NPIPB15: variants seen among roughly 807,000 people sequenced by gnomAD.
The protein encoded by NPIPB15 is nuclear pore complex interacting protein family member B15, also known as nuclear pore complex-interacting protein family member B15.
Under a neutral mutation model 35.9 loss-of-function variants are expected in NPIPB15, and 5 were observed. The ratio of observed to expected loss-of-function variants is 0.14; its 90% confidence interval spans 0.07 to 0.29. The LOEUF (loss-of-function observed/expected upper bound fraction) is 0.29, where lower values mean the gene tolerates loss of function less well. Ranked by LOEUF, NPIPB15 falls within the 10% of genes least tolerant of loss-of-function variation. The pLI is 1.00. For missense variants in NPIPB15, 100 were observed against 506.1 expected (o/e 0.20, Z 7.70); for synonymous variants, 43 against 182.0 (o/e 0.24, Z 6.15).
chr16:74,379,945 C>T (rs2011894488), intron 2 of NPIPB15, among the ~76,000 whole-genome samples: 1 of 140,886 alleles, frequency 7.1e-6, no homozygotes, highest in Non-Finnish European at 1.5e-5. Flanking sequence ...GAAGTAATCT[C>T]TTCATTGTAT....
intron 5 of NPIPB15, among the ~76,000 whole-genome samples, chr16:74,387,675 C>A (rs1289748091): frequency 1.2e-4 from 19 of 152,052 alleles, no homozygotes; most frequent in African/African-American, 4.6e-4. Context: ...GGGGACAGGA[C>A]CCTGCTCCCA....
intron 2 of NPIPB15, among the ~76,000 whole-genome samples, chr16:74,378,423 CTTTTTTTTTTT>C (rs1002146100): frequency 3.5e-5 from 3 of 86,124 alleles, no homozygotes; most frequent in Non-Finnish European, 6.2e-5. Context: ...GGTTTGATGC[CTTTTTTTTTTT>C]TTTTTTTTTT....
chr16:74,387,974 T>G (rs894395368), intron 5 of NPIPB15, among the ~76,000 whole-genome samples: 1 of 151,972 alleles, frequency 6.6e-6, no homozygotes, highest in African/African-American at 2.4e-5. Flanking sequence ...GAACTGAACC[T>G]TGTTAAAGTC....
intron 3 of NPIPB15, among the ~76,000 whole-genome samples, chr16:74,384,762 A>G (rs2012175295): frequency 7.4e-6 from 1 of 136,044 alleles, no homozygotes; most frequent in African/African-American, 2.8e-5. Context: ...GCTCACCACA[A>G]CCTTTTCCTG....
intron 3 of NPIPB15, among the ~76,000 whole-genome samples, chr16:74,383,779 G>A (rs1423501185): frequency 6.6e-6 from 1 of 151,862 alleles, no homozygotes; most frequent in African/African-American, 2.4e-5. Context: ...AGCCAGGCAT[G>A]GTAGCAGGCA....
At chr16:74,378,451 G>C (rs1220611650) in intron 2 of NPIPB15, among the ~76,000 whole-genome samples, 1 of 102,220 alleles carries the variant, frequency 9.8e-6, no homozygotes, top group African/African-American at 4.0e-5. Context: ...TTTTTTGACA[G>C]AGTCTCACTC....
rs2011707757 is a variant in NPIPB15 at position 74,377,265 on chromosome 16, C to T, written c.-104C>T. On this transcript the variant is annotated 5_prime_UTR_variant, in exon 1 of 8. Coordinates refer to ENST00000692376, the MANE Select transcript of NPIPB15 (RefSeq NM_001306094.2). ...TTTATGTTTTGTCGCCAAAAGTGAC[C>T]TTGAGGAACCCTGGGAGCTCAGGAA... Among the ~76,000 whole-genome samples the T allele has an allele frequency of 1.3e-5, 2 of 151,128 alleles. No homozygotes were observed. Among genetic ancestry groups the T allele is most frequent in the Non-Finnish European group, 2.9e-5 (2 of 67,932 alleles).
intron 3 of NPIPB15, among the ~76,000 whole-genome samples, chr16:74,384,585 T>C (rs1161957383): frequency 7.0e-6 from 1 of 142,994 alleles, no homozygotes; most frequent in Non-Finnish European, 1.5e-5. Context: ...CCCAGGATGG[T>C]CTCCATCTCT....
intron 5 of NPIPB15, among the ~76,000 whole-genome samples, chr16:74,389,340 A>G (rs1325664417): frequency 6.6e-6 from 1 of 151,030 alleles, no homozygotes; most frequent in East Asian, 2.0e-4. Flanking sequence ...TCAATATAGC[A>G]ACAGTTTGGA....
intron 3 of NPIPB15, among the ~76,000 whole-genome samples, chr16:74,385,029 G>GTGTT (rs1485371570): frequency 2.4e-5 from 3 of 125,842 alleles, no homozygotes; most frequent in Non-Finnish European, 4.9e-5. Context: ...GTGTGTGTGT[G>GTGTT]TGTGTGACAG....
intron 3 of NPIPB15, among the ~76,000 whole-genome samples, chr16:74,384,726 G>T (rs1314021071): frequency 8.7e-6 from 1 of 115,468 alleles, no homozygotes; most frequent in Admixed American, 1.1e-4. Flanking sequence ...TGTTGCCCAG[G>T]TTTGGAGTGC....
chr16:74,378,585 TG>T (rs1245188260), intron 2 of NPIPB15, among the ~76,000 whole-genome samples: 2 of 149,272 alleles, frequency 1.3e-5, no homozygotes, highest in African/African-American at 4.9e-5. Flanking sequence ...GGCTAATTTT[TG>T]TATTTTTAGT....
intron 2 of NPIPB15, among the ~76,000 whole-genome samples, chr16:74,378,699 C>A (rs1359766183): frequency 1.3e-5 from 2 of 149,558 alleles, no homozygotes; most frequent in African/African-American, 5.0e-5. Context: ...CGTGAACCAC[C>A]GCGCCTGGCC....
chr16:74,377,577 G>T (rs1402277441), intron 1 of NPIPB15, among the ~76,000 whole-genome samples: 4 of 152,050 alleles, frequency 2.6e-5, no homozygotes, highest in African/African-American at 9.7e-5. Flanking sequence ...CCCTCTAATT[G>T]CTCCTAAGCC....
intron 3 of NPIPB15, among the ~76,000 whole-genome samples, chr16:74,384,720 G>T: frequency 1.4e-5 from 1 of 71,530 alleles, no homozygotes; most frequent in African/African-American, 5.5e-5. Flanking sequence ...CAATTTTGTT[G>T]CCCAGGTTTG....
intron 2 of NPIPB15, among the ~76,000 whole-genome samples, chr16:74,378,645 C>T (rs1304518755): frequency 1.3e-5 from 2 of 149,886 alleles, no homozygotes; most frequent in Non-Finnish European, 3.0e-5. Flanking sequence ...ATCTCTTGAC[C>T]TCGTGATCCG....
chr16:74,381,735 A>C lies in NPIPB15; in HGVS notation c.249+37A>C, dbSNP rs554929134. 7.1e-6 allele frequency: 11 copies of C among 1,553,308 alleles called. No homozygotes were observed. In the East Asian group the frequency reaches 2.5e-4, roughly 35 times the overall value. ...AACTTTCTGTAGAGGTATACTTGTA[A>C]TCACAAATAAGAATAAATTATATAA... On this transcript the variant is annotated intron_variant, in intron 3 of 7. Coordinates refer to ENST00000692376, the MANE Select transcript of NPIPB15 (RefSeq NM_001306094.2).
At chr16:74,379,954 A>ATT (rs1172863582) in intron 2 of NPIPB15, among the ~76,000 whole-genome samples, 10,608 of 139,130 alleles carry the variant, frequency 0.076, 432 homozygotes, top group East Asian at 0.12. Flanking sequence ...TCTTCATTGT[A>ATT]TTTTTTTTTT....
intron 3 of NPIPB15, among the ~76,000 whole-genome samples, chr16:74,384,994 TGTGTGTGTGTGTGTGTG>T: frequency 4.1e-5 from 1 of 24,272 alleles, no homozygotes; most frequent in Non-Finnish European, 6.4e-5. Context: ...GTCATTCTTG[TGTGTGTGTGTGTGTGTG>T]TGTGTGTGTG....
Sources: gnomAD v4.1 joint callset for allele counts (sites outside exome capture counted in the v4.1 genomes callset) on GRCh38, gnomAD v4.1.1 for gene constraint, MANE v1.5 for transcripts, NCBI Gene and HGNC (gene_info 2026-07-23, HGNC 2026-07-21) for gene names.